The following FARP1 variants were observed in gnomAD, a reference collection of about 807,000 sequenced individuals.
The protein encoded by FARP1 is FERM, ARHGEF and pleckstrin domain-containing protein 1.
A neutral mutation model predicts 128.8 loss-of-function variants in FARP1; 52 were observed. That is an observed-to-expected ratio of 0.40 (90% CI 0.32 to 0.51). The LOEUF (loss-of-function observed/expected upper bound fraction) is 0.51. Ranked by LOEUF, FARP1 falls within the 20% of genes least tolerant of loss-of-function variation. The probability of loss-of-function intolerance (pLI) is 0.45; values close to 1 mark genes in which losing one functional copy is unlikely to be tolerated. For synonymous variants in FARP1, 580 were observed against 551.8 expected (o/e 1.05, Z -0.72); for missense variants, 1,333 against 1,367.9 (o/e 0.97, Z 0.40).
intron 2 of FARP1, chr13:98,244,906 C>G: frequency 7.1e-7 from 1 of 1,400,880 alleles, no homozygotes; most frequent in East Asian, 2.6e-5. Context: ...AAACGGGTCT[C>G]CAGGAGGCTT....
At chr13:98,257,981 AT>A (rs565660512) in intron 2 of FARP1, among the ~76,000 whole-genome samples, 7 of 150,332 alleles carry the variant, frequency 4.7e-5, no homozygotes, top group African/African-American at 7.3e-5. Flanking sequence ...GATATATATA[AT>A]TTTTTTTTTG....
At chr13:98,398,300 T>A (rs1226071363) in intron 13 of FARP1, 2 of 152,250 alleles carry the variant, frequency 1.3e-5, no homozygotes, top group Admixed American at 6.5e-5. Context: ...TTCATTGAAG[T>A]AGTCTATTTA....
At chr13:98,246,285 C>T (rs565687615) in intron 2 of FARP1, among the ~76,000 whole-genome samples, 5 of 145,084 alleles carry the variant, frequency 3.4e-5, no homozygotes, top group Admixed American at 2.8e-4. Flanking sequence ...TTAGTAGAGA[C>T]GGGGTTTCAC....
In FARP1 at chr13:98,343,861, A is replaced by G. The variant is rs1446936534; in HGVS notation, c.271A>G (p.Ile91Val). The G allele has an allele frequency of 5.0e-6, 8 of 1,604,408 alleles. No individual in the cohort carries two copies. The African/African-American group carries it at 1.1e-4, about 21-fold the overall frequency. Reference sequence around the variant, plus strand: ...CCTCGAGTTTCCTGATCACAAAAAGATCACGGTAGGTGATGTCAACTTAAT... The same window carrying G: ...CCTCGAGTTTCCTGATCACAAAAAGGTCACGGTAGGTGATGTCAACTTAAT... ...FGLEFPDHKK[I>V]TVWLDLLKPI... Residue 91 changes from isoleucine (I) to valine (V), a missense_variant, in exon 3 of 27, where the codon ATC (isoleucine) becomes GTC (valine). Ile to Val is a conservative substitution (Grantham distance 29, BLOSUM62 3). This residue lies in a region of FARP1 where 324 missense variants were observed against 398.1 expected (regional missense o/e 0.81). Coordinates refer to ENST00000319562, the MANE Select transcript of FARP1 (RefSeq NM_005766.4).
chr13:98,377,428 C>T (rs1471425541), intron 5 of FARP1, among the ~76,000 whole-genome samples: 1 of 150,362 alleles, frequency 6.7e-6, no homozygotes, highest in Non-Finnish European at 1.5e-5. Context: ...ATTGGCAATC[C>T]TCTGACTCAC....
Position 98,440,800 on chromosome 13 carries a change from C to T in FARP1, c.2760C>T (p.Thr920=). 1.9e-6 allele frequency: 3 copies of T among 1,612,136 alleles called. No homozygotes were observed. Among genetic ancestry groups the T allele is most frequent in the South Asian group, 1.1e-5 (1 of 90,916 alleles). Reference sequence around the variant, plus strand: ...TGCACGTGTGCTGGCACCGCAACACCAGCGTCTCCATGGTGGACTTCAGCA... The same window carrying T: ...TGCACGTGTGCTGGCACCGCAACACTAGCGTCTCCATGGTGGACTTCAGCA... ...TMVHVCWHRN[T]SVSMVDFSIA... Residue 920 remains threonine, a synonymous_variant, in exon 24 of 27, where the codon ACC becomes ACT. Transcript: ENST00000319562.
chr13:98,438,297 T>G (rs539003379), intron 19 of FARP1, among the ~76,000 whole-genome samples: 106 of 152,222 alleles, frequency 7.0e-4, no homozygotes, highest in Non-Finnish European at 1.0e-4. Flanking sequence ...CCAGCCACAG[T>G]GCTCCCATGT....
In FARP1 at chr13:98,394,634, A is replaced by G. The variant is rs1286907914; in HGVS notation, c.1165-593A>G. ...CTGGGCAACGTAGACCCCAGTCTCT[A>G]TAAAAAAATTTAAAAATTAGCCGGG... On this transcript the variant is annotated intron_variant, in intron 12 of 26. Transcript: ENST00000319562. Among the ~76,000 whole-genome samples, 11 of 152,266 alleles carry G rather than the reference A, an allele frequency of 7.2e-5. No homozygotes were observed. The East Asian group carries it at 1.9e-3, about 27-fold the overall frequency.
chr13:98,336,078 A>G (rs530476884), intron 2 of FARP1, among the ~76,000 whole-genome samples: 9 of 152,316 alleles, frequency 5.9e-5, no homozygotes, highest in African/African-American at 2.2e-4. Context: ...TAGGGAATTA[A>G]TTGATTTAGA....
At chr13:98,436,392 CG>C (rs1199374631) in intron 19 of FARP1, among the ~76,000 whole-genome samples, 1 of 152,210 alleles carries the variant, frequency 6.6e-6, no homozygotes, top group Non-Finnish European at 1.5e-5. Context: ...AGGAATCAAA[CG>C]TATCATTCAG....
Position 98,176,835 on chromosome 13 carries a change from G to C in FARP1, c.-24+33343G>C. Reference sequence around the variant, plus strand: ...GCTCCCGACCCCGCAGTGCCTCCTGGACCCGCTGGCTGCACTTGAGGATGG... The same window carrying C: ...GCTCCCGACCCCGCAGTGCCTCCTGCACCCGCTGGCTGCACTTGAGGATGG... On this transcript the variant is annotated intron_variant, in intron 1 of 26. Transcript: ENST00000319562. This position sits in a 1 kb window ranked among gnomAD's most constrained non-coding sequence, Gnocchi z 6.2. 5 of 1,611,938 alleles carry C rather than the reference G, an allele frequency of 3.1e-6. No homozygotes were observed. Among genetic ancestry groups the C allele is most frequent in the Non-Finnish European group, 4.2e-6 (5 of 1,179,978 alleles).
chr13:98,308,031 CTCTTTTTTTTTTTTTTT>C (rs1218784232), intron 2 of FARP1, among the ~76,000 whole-genome samples: 3,491 of 10,490 alleles, frequency 0.33, 354 homozygotes, highest in African/African-American at 0.45. Flanking sequence ...CCCACTCTCT[CTCTTTTTTTTTTTTTTT>C]TTTTTTTTTT....
In FARP1 at chr13:98,211,374, G is replaced by A. The variant is rs74108698; in HGVS notation, c.-23-1846G>A. Among the ~76,000 whole-genome samples, 1,393 of 152,276 alleles carry A rather than the reference G, an allele frequency of 9.1e-3. 19 individuals carry two copies. Among genetic ancestry groups the A allele is most frequent in the African/African-American group, 0.031 (1,287 of 41,558 alleles). ...CGCATGCGAGGGATCTAGATTGTGC[G>A]CTCCTTATGAGAATCTAATGCCTGA... is the stretch of plus-strand genomic sequence containing the variant. On this transcript the variant is annotated intron_variant, in intron 1 of 26. Coordinates refer to ENST00000319562, the MANE Select transcript of FARP1 (RefSeq NM_005766.4).
chr13:98,324,308 C>G (rs1423351649), intron 2 of FARP1, among the ~76,000 whole-genome samples: 4 of 152,162 alleles, frequency 2.6e-5, no homozygotes, highest in Non-Finnish European at 1.5e-5. Flanking sequence ...CGTGTCTACT[C>G]CAGCTTGTGT....
chr13:98,300,674 C>T (rs925489769), intron 2 of FARP1, among the ~76,000 whole-genome samples: 3 of 152,196 alleles, frequency 2.0e-5, no homozygotes, highest in African/African-American at 7.2e-5. Flanking sequence ...CTTCCCCGTC[C>T]CCTCTGTACT....
chr13:98,320,310 C>G (rs1398491301), intron 2 of FARP1, among the ~76,000 whole-genome samples: 1 of 152,226 alleles, frequency 6.6e-6, no homozygotes, highest in Non-Finnish European at 1.5e-5. Flanking sequence ...GCCCCCTACT[C>G]TCCGTACAAT....
intron 1 of FARP1, among the ~76,000 whole-genome samples, chr13:98,194,567 A>G (rs1461553722): frequency 6.6e-6 from 1 of 152,256 alleles, no homozygotes; most frequent in Non-Finnish European, 1.5e-5. Context: ...TTGCAACCTC[A>G]GGCATAAATG....
At chr13:98,151,721 G>A (rs1357856786) in intron 1 of FARP1, among the ~76,000 whole-genome samples, 1 of 131,348 alleles carries the variant, frequency 7.6e-6, no homozygotes, top group Non-Finnish European at 1.6e-5. Context: ...GAGTGCAGTG[G>A]CATGATCTTG....
At position 98,437,882 on chromosome 13, in the gene FARP1, C is replaced by T. The variant is rs758946442; in HGVS notation, c.2275-922C>T. 6 of 1,517,250 alleles carry T rather than the reference C, an allele frequency of 4.0e-6. No homozygotes were observed. The South Asian group carries it at 4.5e-5, about 11-fold the overall frequency. 94.0% of individuals were successfully genotyped at this position (1,517,250 alleles called of 1,614,324 possible). On this transcript the variant is annotated intron_variant, in intron 19 of 26. Coordinates refer to ENST00000319562, the MANE Select transcript of FARP1 (RefSeq NM_005766.4). ...AGGTGAAGATGGAATTGGGGTACTC[C>T]TTCCTAAGCTCAGATGATCCCCTGA...
Sources: gnomAD v4.1 joint callset for allele counts (sites outside exome capture counted in the v4.1 genomes callset) on GRCh38, gnomAD v4.1.1 for gene constraint, gnomAD v4.1.1 regional missense constraint, Gnocchi (gnomAD v3.1) non-coding constraint, MANE v1.5 for transcripts, NCBI Gene and HGNC (gene_info 2026-07-23, HGNC 2026-07-21) for gene names.